Variants in TMIGD3 observed in about 807,000 individuals in gnomAD.
The protein encoded by TMIGD3 is AD026 protein (AD026).
In TMIGD3, 21 loss-of-function variants were observed where a neutral mutation model predicts 28.1. The ratio of observed to expected loss-of-function variants is 0.75; its 90% CI spans 0.53 to 1.08. The LOEUF (loss-of-function observed/expected upper bound fraction) is 1.08, where lower values mean the gene tolerates loss of function less well. Ranked by LOEUF, TMIGD3 falls within the 50% of genes least tolerant of loss-of-function variation. TMIGD3 has a pLI of 0.00. For synonymous variants in TMIGD3, 151 were observed against 162.1 expected (o/e 0.93, Z 0.52); for missense variants, 416 against 435.6 (o/e 0.96, Z 0.40).
chr1:111,549,097 T>G (rs74112323), intron 1 of TMIGD3, among the ~76,000 whole-genome samples: 4,906 of 152,272 alleles, frequency 0.032, 240 homozygotes, highest in African/African-American at 0.11. Context: ...TTGTTGAAGA[T>G]TTGTACATCC....
chr1:111,559,250 A>C (rs1314733921), intron 1 of TMIGD3, among the ~76,000 whole-genome samples: 2 of 152,196 alleles, frequency 1.3e-5, no homozygotes, highest in African/African-American at 4.8e-5. Context: ...TATTAATAAG[A>C]TAATCAACTA....
chr1:111,490,589 C>G, intron 2 of TMIGD3, 67 bp downstream of exon 2: 1 of 1,229,304 alleles, frequency 8.1e-7, no homozygotes, highest in Admixed American at 1.8e-5. Context: ...TAGGTGAGGA[C>G]TTCAGTGCAA....
upstream of TMIGD3, chr1:111,503,947 T>C (rs1571418498): frequency 2.0e-6 from 2 of 985,424 alleles, no homozygotes; most frequent in Non-Finnish European, 2.4e-6. Context: ...ATGCAATCTT[T>C]CTGCCAGCTT....
At chr1:111,557,818 A>C (rs575923334) in intron 1 of TMIGD3, among the ~76,000 whole-genome samples, 1 of 152,322 alleles carries the variant, frequency 6.6e-6, no homozygotes, top group Admixed American at 6.5e-5. Context: ...AACAAACAGA[A>C]ATGTGAACAG....
At chr1:111,511,517 T>C (rs1655690767) in intron 1 of TMIGD3, among the ~76,000 whole-genome samples, 1 of 152,190 alleles carries the variant, frequency 6.6e-6, no homozygotes. Context: ...CACAAACCAC[T>C]ACAGATAGAA....
At chr1:111,560,655 A>T (rs1657699685) in intron 1 of TMIGD3, among the ~76,000 whole-genome samples, 2 of 151,350 alleles carry the variant, frequency 1.3e-5, no homozygotes, top group South Asian at 4.2e-4. Context: ...CATCCAGCTA[A>T]TTTTTTTTCC....
chr1:111,506,193 G>A (rs571590979), upstream of TMIGD3, among the ~76,000 whole-genome samples: 1 of 152,298 alleles, frequency 6.6e-6, no homozygotes, highest in African/African-American at 2.4e-5. Context: ...TGGAGGACAG[G>A]GACCACCACT....
intron 1 of TMIGD3, chr1:111,542,234 C>T (rs560384257): frequency 2.1e-5 from 13 of 607,042 alleles, no homozygotes; most frequent in Admixed American, 1.3e-4. Flanking sequence ...CGCGTACTGA[C>T]GGAAACACTG....
chr1:111,498,865 T>C (rs1339138417), intron 1 of TMIGD3, among the ~76,000 whole-genome samples: 1 of 152,128 alleles, frequency 6.6e-6, no homozygotes, highest in African/African-American at 2.4e-5. Context: ...GGCAGGAGGA[T>C]CACTTGAGCC....
At position 111,536,533 on chromosome 1, in the gene TMIGD3, C is replaced by A. The variant is rs1029144774; in HGVS notation, c.107+27313G>T. 5.9e-5 allele frequency among the ~76,000 whole-genome samples: 9 copies of A among 152,170 alleles called. 1 individual carries two copies. Among genetic ancestry groups the A allele is most frequent in the Middle Eastern group, 3.2e-3 (1 of 316 alleles). On this transcript the variant is annotated intron_variant, in intron 1 of 5. Transcript: ENST00000369717. ...AAGTCCTATACTCAGGAGAAAGAAG[C>A]AAAACTGTACCCAGCAGGAGTTTAC...
rs1349608664 is a variant in TMIGD3 at position 111,486,590 on chromosome 1, A to C, written c.868T>G (p.Ser290Ala). Residue 290 changes from serine to alanine, a missense_variant, in exon 4 of 6, where the codon TCC becomes GCC. Physicochemically the swap from Ser to Ala is moderately conservative, Grantham distance 99 (BLOSUM62 1). Coordinates refer to ENST00000369716, the MANE Select transcript of TMIGD3 (RefSeq NM_020683.7). ...TCCGCCAAGACTATGACTCACCTGG[A>C]GCGGTCAGCCTTGCGGACAACTTTG... ...APKVVRKADRSRTSILIICIL... is the reference protein window; with the variant it reads ...APKVVRKADRARTSILIICIL... 6.2e-7 allele frequency: 1 copy of C among 1,611,748 alleles called. No homozygotes were observed. The highest frequency in any genetic ancestry group is 1.7e-4 in the Middle Eastern group (1 of 5,760).
chr1:111,496,112 C>T (rs1654877782), intron 1 of TMIGD3, among the ~76,000 whole-genome samples: 1 of 152,120 alleles, frequency 6.6e-6, no homozygotes, highest in Non-Finnish European at 1.5e-5. Flanking sequence ...ATGAAATTAC[C>T]TATATGGCAA....
intron 1 of TMIGD3, among the ~76,000 whole-genome samples, chr1:111,551,194 T>G (rs893314441): frequency 1.3e-5 from 2 of 152,242 alleles, no homozygotes; most frequent in African/African-American, 4.8e-5. Flanking sequence ...AAATTCATTC[T>G]TCTAACCTCT....
At chr1:111,533,982 A>C (rs1360353945) in intron 1 of TMIGD3, among the ~76,000 whole-genome samples, 1 of 152,208 alleles carries the variant, frequency 6.6e-6, no homozygotes, top group Non-Finnish European at 1.5e-5. Flanking sequence ...CGGTTTCTTC[A>C]TATAAAATTG....
intron 4 of TMIGD3, 149 bp downstream of exon 4, chr1:111,486,436 AG>A: frequency 1.7e-6 from 1 of 578,464 alleles, no homozygotes; most frequent in Non-Finnish European, 3.1e-6. Flanking sequence ...CCAAATACTC[AG>A]ATTAAGGATA....
intron 1 of TMIGD3, among the ~76,000 whole-genome samples, chr1:111,537,038 A>G (rs1656663099): frequency 6.6e-6 from 1 of 152,166 alleles, no homozygotes. Flanking sequence ...CTGGTTTTCA[A>G]GTTTTCCTGC....
intron 1 of TMIGD3, among the ~76,000 whole-genome samples, chr1:111,555,891 A>G (rs1449494532): frequency 6.6e-6 from 1 of 152,240 alleles, no homozygotes; most frequent in African/African-American, 2.4e-5. Context: ...AGCAAAGGCA[A>G]CAAAAGAAAA....
chr1:111,502,950 T>C lies in TMIGD3; in HGVS notation c.350+55A>G, dbSNP rs555082830. 5.6e-6 allele frequency: 9 copies of C among 1,593,162 alleles called. No homozygotes were observed. In the East Asian group the frequency reaches 2.0e-4, roughly 36 times the overall value. On this transcript the variant is annotated intron_variant, in intron 1 of 5. Coordinates refer to ENST00000369716, the MANE Select transcript of TMIGD3 (RefSeq NM_020683.7). Reference sequence around the variant, plus strand: ...CTCAAAAAGTCTGGGCTCTGGGCTTTGTAGCCTCATTTCCCAGCTGCCTCA... The same window carrying C: ...CTCAAAAAGTCTGGGCTCTGGGCTTCGTAGCCTCATTTCCCAGCTGCCTCA...
At chr1:111,519,698 CTTT>C (rs796777575) in intron 1 of TMIGD3, among the ~76,000 whole-genome samples, 2 of 142,202 alleles carry the variant, frequency 1.4e-5, no homozygotes. Context: ...CTTTTCTCTT[CTTT>C]TTTTTTTTTT....
Sources: allele counts gnomAD v4.1 joint callset (sites outside exome capture counted in the v4.1 genomes callset), GRCh38; gene constraint gnomAD v4.1.1; transcripts MANE v1.5; gene names NCBI Gene and HGNC (gene_info 2026-07-23, HGNC 2026-07-21).